The following PRKCE variants were observed in gnomAD, a reference collection of about 807,000 sequenced individuals.
The protein encoded by PRKCE is protein kinase C epsilon type.
A neutral mutation model predicts 85.4 loss-of-function variants in PRKCE; 16 were observed. That is an observed-to-expected ratio of 0.19 (90% CI 0.13 to 0.28). PRKCE has a LOEUF of 0.28. Among genes scored for constraint, PRKCE ranks in the 10% least tolerant of loss-of-function variants. PRKCE has a pLI of 1.00. For synonymous variants in PRKCE, 388 were observed against 371.5 expected, an observed-to-expected ratio of 1.04 and a Z score of -0.51; for missense variants, 573 against 975.2, an observed-to-expected ratio of 0.59 and a Z score of 5.49.
At chr2:45,973,482 T>C (rs2104511119) in intron 2 of PRKCE, among the ~76,000 whole-genome samples, 1 of 152,322 alleles carries the variant, frequency 6.6e-6, no homozygotes, top group South Asian at 2.1e-4. Context: ...ACATCAAATC[T>C]GACTTAAAAG....
chr2:45,843,845 A>C (rs1231165409), intron 2 of PRKCE, among the ~76,000 whole-genome samples: 1 of 152,234 alleles, frequency 6.6e-6, no homozygotes, highest in Non-Finnish European at 1.5e-5. Flanking sequence ...ATCTGTGGGC[A>C]GGGGGACAGA....
At chr2:45,978,092 G>A (rs998934088) in intron 3 of PRKCE, 13 of 152,356 alleles carry the variant, frequency 8.5e-5, no homozygotes, top group Admixed American at 7.2e-4. Context: ...AGCAAGCCCA[G>A]CCCAACTGAG....
At chr2:45,798,453 A>G (rs945243591) in intron 1 of PRKCE, among the ~76,000 whole-genome samples, 23 of 152,274 alleles carry the variant, frequency 1.5e-4, no homozygotes, top group Middle Eastern at 3.4e-3. Context: ...GACCTCCTGT[A>G]GGCGCTAAGG....
intron 11 of PRKCE, among the ~76,000 whole-genome samples, chr2:46,112,483 G>GT (rs1214647516): frequency 9.1e-6 from 1 of 110,222 alleles, no homozygotes; most frequent in African/African-American, 2.7e-5. Flanking sequence ...CCCTGTTTTT[G>GT]TTTTTTTGGT....
chr2:45,843,186 AG>A (rs1691501747), intron 2 of PRKCE, 123 bp downstream of exon 2: 1 of 883,110 alleles, frequency 1.1e-6, no homozygotes. Context: ...CATCCTTTAA[AG>A]GAAAAGGTTA....
rs1172863423 is a variant in PRKCE at position 46,001,692 on chromosome 2, A to G, written c.966+146A>G. The G allele has an allele frequency of 6.2e-6, 6 of 972,252 alleles. No homozygotes were observed. In the Admixed American group the frequency reaches 1.5e-4, roughly 25 times the overall value. The allele number at this position is 972,252 out of a possible 1,614,324, so 60.2% of individuals were successfully genotyped here. ...AACTGCAGTACTTAAAGAAAAAAAC[A>G]AAGATAGAAGCCAGGCAGGTAACAT... On this transcript the variant is annotated intron_variant, in intron 7 of 14. Transcript: ENST00000306156. The surrounding 1 kb of genome is among the most constrained non-coding windows in gnomAD (Gnocchi z 4.4).
intron 1 of PRKCE, among the ~76,000 whole-genome samples, chr2:45,833,795 A>G (rs779289460): frequency 6.6e-6 from 1 of 152,264 alleles, no homozygotes; most frequent in Non-Finnish European, 1.5e-5. Flanking sequence ...CAAAGTGCAG[A>G]TCGGCAGTGG....
At chr2:46,144,678 T>C (rs958312977) in intron 11 of PRKCE, among the ~76,000 whole-genome samples, 12 of 152,202 alleles carry the variant, frequency 7.9e-5, no homozygotes, top group African/African-American at 2.9e-4. Flanking sequence ...TTTAACCGTT[T>C]CGTTGATGTC....
chr2:45,982,403 T>C (rs970365388), intron 5 of PRKCE, among the ~76,000 whole-genome samples: 1 of 152,234 alleles, frequency 6.6e-6, no homozygotes, highest in African/African-American at 2.4e-5. Flanking sequence ...GCTCTGGTGA[T>C]GGACTTCTTG....
At chr2:45,862,188 AC>A (rs1693216354) in intron 2 of PRKCE, among the ~76,000 whole-genome samples, 1 of 80,234 alleles carries the variant, frequency 1.2e-5, no homozygotes, top group Non-Finnish European at 2.8e-5. Flanking sequence ...TTGTATACAC[AC>A]ACACACACAC....
intron 6 of PRKCE, among the ~76,000 whole-genome samples, chr2:45,991,431 A>C (rs1209095457): frequency 6.6e-6 from 1 of 152,172 alleles, no homozygotes; most frequent in East Asian, 1.9e-4. Flanking sequence ...CTGACATCCA[A>C]TAAATATTTG....
chr2:45,988,428 G>A (rs1282759028), intron 6 of PRKCE, among the ~76,000 whole-genome samples: 1 of 152,150 alleles, frequency 6.6e-6, no homozygotes, highest in Non-Finnish European at 1.5e-5. Flanking sequence ...GGTAGAGGGA[G>A]CATAATTATG....
At chr2:45,732,932 G>A (rs142454851) in intron 1 of PRKCE, among the ~76,000 whole-genome samples, 8 of 152,264 alleles carry the variant, frequency 5.3e-5, no homozygotes, top group South Asian at 4.1e-4. Context: ...ATCAAGGGTC[G>A]ACGACTTTCT....
rs543155397 is a variant in PRKCE, at chr2:45,880,920, G to A, written c.412+37857G>A. ...TGTAATCCCAGCACTTTGGGAGGCCGAGGCGGGCGGATCACGAGGTCAGGA... is the reference window on the plus strand; with the variant it reads ...TGTAATCCCAGCACTTTGGGAGGCCAAGGCGGGCGGATCACGAGGTCAGGA... On this transcript the variant is annotated intron_variant, in intron 2 of 14. Transcript: ENST00000306156. 4.4e-3 allele frequency among the ~76,000 whole-genome samples: 676 copies of A among 152,158 alleles called. 4 individuals carry two copies. Among genetic ancestry groups the A allele is most frequent in the Admixed American group, 6.7e-3 (102 of 15,288 alleles).
intron 11 of PRKCE, among the ~76,000 whole-genome samples, chr2:46,090,440 T>C (rs1191115551): frequency 6.6e-6 from 1 of 152,132 alleles, no homozygotes; most frequent in Non-Finnish European, 1.5e-5. Flanking sequence ...TTACTTATGA[T>C]ACCTCTTCTG....
Position 46,118,806 on chromosome 2 carries a change from G to A in PRKCE, c.1593-26287G>A, listed in dbSNP as rs976070847. 5.9e-5 allele frequency among the ~76,000 whole-genome samples: 9 copies of A among 152,286 alleles called. No individual in the cohort carries two copies. In the East Asian group the frequency reaches 7.7e-4, roughly 13 times the overall value. On this transcript the variant is annotated intron_variant, in intron 11 of 14. Transcript: ENST00000306156. Reference sequence around the variant, plus strand: ...CGCTGTGGAATCTGGCAGTTTGGGCGTTGACCTGTCCGATAGCAAACCCAG... The same window carrying A: ...CGCTGTGGAATCTGGCAGTTTGGGCATTGACCTGTCCGATAGCAAACCCAG...
chr2:46,180,829 T>C (rs1270860443), intron 14 of PRKCE, among the ~76,000 whole-genome samples: 2 of 152,192 alleles, frequency 1.3e-5, no homozygotes, highest in African/African-American at 4.8e-5. Context: ...ACAGCGTCAA[T>C]AACCAGGAAA....
chr2:45,820,804 GT>G (rs1458299806), intron 1 of PRKCE, among the ~76,000 whole-genome samples: 1 of 152,132 alleles, frequency 6.6e-6, no homozygotes, highest in African/African-American at 2.4e-5. Context: ...AGAGTTTACA[GT>G]TGAGGCCCCA....
rs114757418 is a variant in PRKCE at position 45,908,032 on chromosome 2, G to A, written c.412+64969G>A. 3.7e-3 allele frequency among the ~76,000 whole-genome samples: 567 copies of A among 152,266 alleles called. 9 individuals are homozygous for A. The highest frequency in any genetic ancestry group is 0.013 in the African/African-American group (547 of 41,556). Reference sequence around the variant, plus strand: ...CATTTTTGAGACGGGGGAAGCAGAAGACCTTTGAGGCATTTTCCAGAGTGT... The same window carrying A: ...CATTTTTGAGACGGGGGAAGCAGAAAACCTTTGAGGCATTTTCCAGAGTGT... On this transcript the variant is annotated intron_variant, in intron 2 of 14. Coordinates refer to ENST00000306156, the MANE Select transcript of PRKCE (RefSeq NM_005400.3).
Sources: allele counts gnomAD v4.1 joint callset (sites outside exome capture counted in the v4.1 genomes callset), GRCh38; gene constraint gnomAD v4.1.1; non-coding constraint Gnocchi (gnomAD v3.1); transcripts MANE v1.5; gene names NCBI Gene and HGNC (gene_info 2026-07-23, HGNC 2026-07-21).